CHLSN: variants seen among roughly 807,000 people sequenced by gnomAD.
The protein encoded by CHLSN is cholesin, also known as protein cholesin.
the CHLSN span, chr7:1,057,874 C>A: frequency 1.4e-4 from 109 of 777,152 alleles, no homozygotes; most frequent in South Asian, 2.3e-4. Context: ...ATGTACTCCA[C>A]CGCCCTGCTG....
the CHLSN span, chr7:1,092,082 C>G: frequency 6.2e-7 from 1 of 1,613,966 alleles, no homozygotes; most frequent in Non-Finnish European, 8.5e-7. Flanking sequence ...AGGTGTTCAA[C>G]CTGCACGAGC....
At chr7:1,104,365 T>G in the CHLSN span, among the ~76,000 whole-genome samples, 4 of 152,188 alleles carry the variant, frequency 2.6e-5, no homozygotes, top group African/African-American at 9.7e-5. Context: ...TGCCTGTGAA[T>G]AGTGACTGCA....
the CHLSN span, among the ~76,000 whole-genome samples, chr7:1,016,591 C>T: frequency 2.0e-5 from 2 of 101,176 alleles, no homozygotes; most frequent in African/African-American, 4.5e-5. Flanking sequence ...GCACACAGCA[C>T]CACACAGCAG....
chr7:992,809 G>A, the CHLSN span, among the ~76,000 whole-genome samples: 1 of 152,190 alleles, frequency 6.6e-6, no homozygotes, highest in African/African-American at 2.4e-5. Context: ...AGAGGGCAGT[G>A]GGACTTGGAC....
chr7:1,011,403 A>T, the CHLSN span, among the ~76,000 whole-genome samples: 2 of 135,988 alleles, frequency 1.5e-5, no homozygotes, highest in Non-Finnish European at 3.1e-5. Flanking sequence ...ACCCACAGAT[A>T]CCCAAACACC....
the CHLSN span, among the ~76,000 whole-genome samples, chr7:1,070,913 C>G: frequency 7.6e-5 from 11 of 144,244 alleles, no homozygotes; most frequent in African/African-American, 2.4e-4. Context: ...TGCACGCACA[C>G]ACACAGCACG....
At chr7:1,022,844 C>A in the CHLSN span, 1 of 341,180 alleles carries the variant, frequency 2.9e-6, no homozygotes, top group Non-Finnish European at 6.0e-6. Flanking sequence ...ATAAAACACA[C>A]TGCATCAGAA....
chr7:1,013,425 T>A, the CHLSN span, among the ~76,000 whole-genome samples: 1 of 151,722 alleles, frequency 6.6e-6, no homozygotes, highest in Non-Finnish European at 1.5e-5. Flanking sequence ...TTCTAGGGAC[T>A]TGAGTTTCAG....
the CHLSN span, chr7:1,093,472 C>T: frequency 1.7e-4 from 79 of 469,454 alleles, no homozygotes; most frequent in South Asian, 1.2e-3. Flanking sequence ...TGTGCGGCCT[C>T]ACCAGGCCCA....
chr7:1,134,581 T>G, the CHLSN span, among the ~76,000 whole-genome samples: 816 of 134,722 alleles, frequency 6.1e-3, 8 homozygotes, highest in African/African-American at 0.022. Context: ...AATAAATAAA[T>G]AAATAGGCCG....
the CHLSN span, among the ~76,000 whole-genome samples, chr7:1,133,233 C>A: frequency 1.3e-5 from 2 of 151,808 alleles, no homozygotes; most frequent in Non-Finnish European, 2.9e-5. Flanking sequence ...TCAGGATACG[C>A]AAATTATACT....
chr7:1,108,333 G>A, the CHLSN span, among the ~76,000 whole-genome samples: 1 of 95,232 alleles, frequency 1.1e-5, no homozygotes, highest in Admixed American at 1.0e-4. Flanking sequence ...CGCCCCGGGA[G>A]GAAGCAGAGG....
chr7:980,086 C>T, the CHLSN span, among the ~76,000 whole-genome samples: 75 of 152,338 alleles, frequency 4.9e-4, no homozygotes, highest in African/African-American at 1.8e-3. Flanking sequence ...TTACGTTACG[C>T]AAAGACAGTG....
chr7:1,136,018 GTATA>G, the CHLSN span, among the ~76,000 whole-genome samples: 1 of 113,408 alleles, frequency 8.8e-6, no homozygotes. Context: ...AAATATATAT[GTATA>G]TATAAATATA....
At chr7:1,032,513 C>T in the CHLSN span, among the ~76,000 whole-genome samples, 1 of 151,882 alleles carries the variant, frequency 6.6e-6, no homozygotes, top group Non-Finnish European at 1.5e-5. Flanking sequence ...GCCACCCGCC[C>T]ACACCGCCAG....
the CHLSN span, among the ~76,000 whole-genome samples, chr7:1,121,567 A>G: frequency 4.6e-5 from 7 of 152,222 alleles, no homozygotes; most frequent in Non-Finnish European, 1.0e-4. Flanking sequence ...AAAGCAGCAA[A>G]TCCAGAGCCT....
the CHLSN span, among the ~76,000 whole-genome samples, chr7:1,014,590 C>G: frequency 6.6e-6 from 1 of 152,270 alleles, no homozygotes; most frequent in African/African-American, 2.4e-5. Flanking sequence ...AAACCATCAT[C>G]ATTTCCCAGG....
the CHLSN span, chr7:986,986 T>C: frequency 7.3e-6 from 10 of 1,376,256 alleles, no homozygotes; most frequent in South Asian, 1.5e-4. Flanking sequence ...TCGGGGACGC[T>C]GAGGGATGGC....
the CHLSN span, among the ~76,000 whole-genome samples, chr7:1,122,461 C>T: frequency 6.6e-6 from 1 of 152,174 alleles, no homozygotes; most frequent in Non-Finnish European, 1.5e-5. Flanking sequence ...TGCCGCCTTC[C>T]CCCGCATACG....
Sources: allele counts gnomAD v4.1 joint callset (sites outside exome capture counted in the v4.1 genomes callset), GRCh38; gene constraint gnomAD v4.1.1; transcripts MANE v1.5; gene names NCBI Gene and HGNC (gene_info 2026-07-23, HGNC 2026-07-21).